The following TOX2 variants were observed in gnomAD, a reference collection of about 807,000 sequenced individuals.
TOX2 encodes TOX high mobility group box family member 2, also known as granulosa cell HMG box 1.
In TOX2, 15 loss-of-function variants were observed where a neutral mutation model predicts 47.4. That is an observed-to-expected ratio of 0.32 (90% CI 0.21 to 0.49). The LOEUF (loss-of-function observed/expected upper bound fraction) is 0.49. Among genes scored for constraint, TOX2 ranks in the 20% least tolerant of loss-of-function variants. The probability of loss-of-function intolerance (pLI) is 0.99; values close to 1 mark genes in which losing one functional copy is unlikely to be tolerated. For missense variants in TOX2, 622 were observed against 673.1 expected, an observed-to-expected ratio of 0.92 and a Z score of 0.84; for synonymous variants, 290 against 296.6, an observed-to-expected ratio of 0.98 and a Z score of 0.23.
At chr20:43,955,718 C>T (rs1569031923) in intron 1 of TOX2, among the ~76,000 whole-genome samples, 1 of 152,220 alleles carries the variant, frequency 6.6e-6, no homozygotes, top group Non-Finnish European at 1.5e-5. Flanking sequence ...ATTCTGGCTC[C>T]AAACCTGCTT....
chr20:43,983,787 T>A (rs2145515215), intron 2 of TOX2, among the ~76,000 whole-genome samples: 1 of 152,318 alleles, frequency 6.6e-6, no homozygotes, highest in Admixed American at 6.5e-5. Context: ...GGTGGTCTCA[T>A]TTCATCCTCA....
intron 5 of TOX2, among the ~76,000 whole-genome samples, chr20:44,057,201 A>G (rs1282407326): frequency 6.6e-6 from 1 of 152,210 alleles, no homozygotes; most frequent in Non-Finnish European, 1.5e-5. Flanking sequence ...GATTAGAGGC[A>G]TGAGCCACTA....
intron 3 of TOX2, among the ~76,000 whole-genome samples, chr20:44,046,247 G>T (rs2071406885): frequency 6.6e-6 from 1 of 152,176 alleles, no homozygotes; most frequent in South Asian, 2.1e-4. Flanking sequence ...TTTTTTATGA[G>T]CAAGGAGAAG....
chr20:44,019,463 C>CA (rs2070943592), intron 3 of TOX2, among the ~76,000 whole-genome samples: 1 of 152,234 alleles, frequency 6.6e-6, no homozygotes, highest in Non-Finnish European at 1.5e-5. Flanking sequence ...GGATGGTGGG[C>CA]AAAGGTGGGA....
intron 2 of TOX2, among the ~76,000 whole-genome samples, chr20:44,004,239 A>T (rs1022609281): frequency 1.3e-5 from 2 of 152,178 alleles, no homozygotes; most frequent in African/African-American, 4.8e-5. Flanking sequence ...TTGACTGGGC[A>T]TCGAGAGGCT....
intron 8 of TOX2, among the ~76,000 whole-genome samples, chr20:44,067,365 C>G (rs147341335): frequency 6.6e-6 from 1 of 152,270 alleles, no homozygotes; most frequent in Non-Finnish European, 1.5e-5. Context: ...TAGAGTGGCT[C>G]CCACCTGGAG....
intron 2 of TOX2, among the ~76,000 whole-genome samples, chr20:43,991,210 C>G (rs1414648636): frequency 6.6e-6 from 1 of 152,174 alleles, no homozygotes; most frequent in East Asian, 1.9e-4. Flanking sequence ...AAGATAAGGA[C>G]AAGGAACCAG....
intron 1 of TOX2, among the ~76,000 whole-genome samples, chr20:43,939,709 G>A (rs974183425): frequency 1.3e-5 from 2 of 152,134 alleles, no homozygotes; most frequent in African/African-American, 4.8e-5. Flanking sequence ...GGCCTCAAGA[G>A]CTTACTTAAC....
chr20:43,943,209 G>A lies in TOX2; in HGVS notation c.99+28219G>A, dbSNP rs556474189. Among the ~76,000 whole-genome samples, 4 of 152,282 alleles carry A rather than the reference G, an allele frequency of 2.6e-5. No homozygotes were observed. The East Asian group carries it at 7.7e-4, about 29-fold the overall frequency. ...ATGCTTTCTCACCTGTACACCTGTGGATGGTACGATCACAACCCCAAATGC... is the reference window on the plus strand; with the variant it reads ...ATGCTTTCTCACCTGTACACCTGTGAATGGTACGATCACAACCCCAAATGC... On this transcript the variant is annotated intron_variant, in intron 1 of 8. Coordinates refer to ENST00000341197, the MANE Select transcript of TOX2 (RefSeq NM_001098797.2).
At chr20:44,039,313 G>C in intron 3 of TOX2, 2 of 1,288,846 alleles carry the variant, frequency 1.6e-6, no homozygotes, top group East Asian at 5.5e-5. Context: ...TCTGGGAAGG[G>C]GCTGGAGAGG....
At chr20:43,984,020 A>G (rs1483332200) in intron 2 of TOX2, among the ~76,000 whole-genome samples, 1 of 152,230 alleles carries the variant, frequency 6.6e-6, no homozygotes, top group Non-Finnish European at 1.5e-5. Context: ...AAAGATGACA[A>G]GGCTTTTATT....
At chr20:43,929,855 A>G (rs1230654226) in intron 1 of TOX2, among the ~76,000 whole-genome samples, 1 of 152,044 alleles carries the variant, frequency 6.6e-6, no homozygotes, top group Non-Finnish European at 1.5e-5. Context: ...GATTACAGGA[A>G]CACACCACCA....
chr20:44,027,237 C>A (rs943805120), intron 3 of TOX2, among the ~76,000 whole-genome samples: 1 of 146,532 alleles, frequency 6.8e-6, no homozygotes, highest in Non-Finnish European at 1.5e-5. Context: ...ATAATAAATT[C>A]TTTGGAAAGA....
At chr20:43,999,772 A>G (rs1388886203) in intron 2 of TOX2, among the ~76,000 whole-genome samples, 2 of 152,240 alleles carry the variant, frequency 1.3e-5, no homozygotes, top group African/African-American at 2.4e-5. Flanking sequence ...TAGCACCAGT[A>G]ATCTTGAAAA....
At chr20:44,006,877 A>T in intron 3 of TOX2, 85 bp downstream of exon 3, 1 of 1,493,966 alleles carries the variant, frequency 6.7e-7, no homozygotes, top group Non-Finnish European at 8.9e-7. Flanking sequence ...TGATGCTTTG[A>T]TAAGAACTCT....
intron 3 of TOX2, chr20:44,038,869 C>G (rs1397886701): frequency 3.9e-6 from 4 of 1,017,248 alleles, no homozygotes; most frequent in African/African-American, 1.7e-5. Context: ...GAAAAACGCC[C>G]TTGTGTTCCT....
chr20:44,016,165 C>G (rs2070875084), intron 3 of TOX2, among the ~76,000 whole-genome samples: 1 of 152,054 alleles, frequency 6.6e-6, no homozygotes, highest in Non-Finnish European at 1.5e-5. Context: ...TGAGCACCTG[C>G]TCTGCAGAGC....
At chr20:44,042,353 A>C (rs1489827605) in intron 3 of TOX2, among the ~76,000 whole-genome samples, 1 of 152,248 alleles carries the variant, frequency 6.6e-6, no homozygotes, top group Non-Finnish European at 1.5e-5. Flanking sequence ...TTTGAGTGTG[A>C]AACCATATCA....
chr20:43,948,300 G>T (rs757391365), intron 1 of TOX2, among the ~76,000 whole-genome samples: 6 of 152,188 alleles, frequency 3.9e-5, no homozygotes, highest in Non-Finnish European at 5.9e-5. Flanking sequence ...AGTAATTGCT[G>T]TGTGATCTTG....
Sources: gnomAD v4.1 joint callset for allele counts (sites outside exome capture counted in the v4.1 genomes callset) on GRCh38, gnomAD v4.1.1 for gene constraint, MANE v1.5 for transcripts, NCBI Gene and HGNC (gene_info 2026-07-23, HGNC 2026-07-21) for gene names.